Variants in KCNH5 observed in about 807,000 individuals in gnomAD.
KCNH5 encodes the protein potassium voltage-gated channel subfamily H member 5.
In KCNH5, 46 loss-of-function variants were observed where a neutral mutation model predicts 96.1. The ratio of observed to expected loss-of-function variants is 0.48; its 90% confidence interval spans 0.38 to 0.61. The LOEUF (loss-of-function observed/expected upper bound fraction) is 0.61. Among genes scored for constraint, KCNH5 ranks in the 20% least tolerant of loss-of-function variants. The probability of loss-of-function intolerance (pLI) is 0.00; values close to 1 mark genes in which losing one functional copy is unlikely to be tolerated. For missense variants in KCNH5, 907 were observed against 1,225.8 expected, an observed-to-expected ratio of 0.74 and a Z score of 3.88; for synonymous variants, 439 against 449.8, an observed-to-expected ratio of 0.98 and a Z score of 0.30.
intron 6 of KCNH5, among the ~76,000 whole-genome samples, chr14:62,970,044 T>TAAAAAAAAAAAA (rs373852520): frequency 1.3e-4 from 4 of 30,412 alleles, no homozygotes; most frequent in African/African-American, 2.4e-4. Flanking sequence ...AGACTCCGTC[T>TAAAAAAAAAAAA]AAAAAAAAAA....
intron 1 of KCNH5, among the ~76,000 whole-genome samples, chr14:63,023,279 T>C (rs1481966739): frequency 6.6e-6 from 1 of 151,984 alleles, no homozygotes; most frequent in Non-Finnish European, 1.5e-5. Context: ...CCCATGTAAG[T>C]TTTTGCTCAC....
intron 2 of KCNH5, among the ~76,000 whole-genome samples, chr14:63,015,157 A>C (rs1210179062): frequency 6.6e-6 from 1 of 152,100 alleles, no homozygotes; most frequent in East Asian, 1.9e-4. Flanking sequence ...AGATTAAGGA[A>C]GAGAATGTTT....
At chr14:62,903,293 T>G (rs1888964957) in intron 7 of KCNH5, among the ~76,000 whole-genome samples, 1 of 152,054 alleles carries the variant, frequency 6.6e-6, no homozygotes, top group South Asian at 2.1e-4. Context: ...CTACCAAATC[T>G]CAGTTCATTC....
chr14:62,816,433 G>A (rs1343182505), intron 8 of KCNH5, among the ~76,000 whole-genome samples: 1 of 151,864 alleles, frequency 6.6e-6, no homozygotes, highest in Non-Finnish European at 1.5e-5. Flanking sequence ...CTCCCACTAT[G>A]CTGACACTTA....
chr14:62,847,752 C>T (rs1887728311), intron 8 of KCNH5, among the ~76,000 whole-genome samples: 1 of 152,122 alleles, frequency 6.6e-6, no homozygotes, highest in Non-Finnish European at 1.5e-5. Context: ...ACTCCATTTT[C>T]CTTGGCTACT....
intron 10 of KCNH5, among the ~76,000 whole-genome samples, chr14:62,752,695 G>A (rs1159133066): frequency 1.3e-5 from 2 of 152,130 alleles, no homozygotes; most frequent in Non-Finnish European, 2.9e-5. Flanking sequence ...GACCTGGTGG[G>A]AGGTGATTGG....
chr14:63,006,482 A>T lies in KCNH5; in HGVS notation c.198-10T>A. The T allele has an allele frequency of 7.5e-7, 1 of 1,326,648 alleles. No homozygotes were observed. Among genetic ancestry groups the T allele is most frequent in the South Asian group, 1.2e-5 (1 of 82,308 alleles). 82.2% of individuals were successfully genotyped at this position (1,326,648 alleles called of 1,614,324 possible). A position where few individuals can be genotyped will look rare whatever the true frequency, so the allele number is the denominator to read the frequency against. On this transcript the variant is annotated splice_polypyrimidine_tract_variant and intron_variant, in intron 2 of 10. Coordinates refer to ENST00000322893, the MANE Select transcript of KCNH5 (RefSeq NM_139318.5). ...TTCCCCATACATAAAACTGGGGGGGAAAAAAAACAAACAATCGATTTCACT... is the reference window on the plus strand; with the variant it reads ...TTCCCCATACATAAAACTGGGGGGGTAAAAAAACAAACAATCGATTTCACT...
At chr14:62,710,774 G>T (rs1884550264) in intron 10 of KCNH5, among the ~76,000 whole-genome samples, 1 of 152,192 alleles carries the variant, frequency 6.6e-6, no homozygotes, top group Non-Finnish European at 1.5e-5. Context: ...ACACAGGAAG[G>T]TCAGGTAAAA....
rs554268058 is a variant in KCNH5 at position 62,852,626 on chromosome 14, G to A, written c.1370-2774C>T. On this transcript the variant is annotated intron_variant, in intron 7 of 10. Coordinates refer to ENST00000322893, the MANE Select transcript of KCNH5 (RefSeq NM_139318.5). ...TTTTTGGCCAGTTTTTCTTTTTTTC[G>A]TATGCACTTGTTTCTTCGGTGTATA... Among the ~76,000 whole-genome samples, 12 of 149,438 alleles carry A rather than the reference G, an allele frequency of 8.0e-5. No homozygotes were observed. In the East Asian group the frequency reaches 1.8e-3, roughly 22 times the overall value.
chr14:63,019,740 TAGAA>T (rs1891391126), intron 1 of KCNH5, among the ~76,000 whole-genome samples: 1 of 152,010 alleles, frequency 6.6e-6, no homozygotes, highest in African/African-American at 2.4e-5. Context: ...GAAGAAAACA[TAGAA>T]GGAAATCTTT....
intron 7 of KCNH5, among the ~76,000 whole-genome samples, chr14:62,943,790 A>G (rs746791530): frequency 6.6e-6 from 1 of 152,176 alleles, no homozygotes; most frequent in Non-Finnish European, 1.5e-5. Flanking sequence ...CAAGGCAGAC[A>G]GAGTATGAAA....
intron 7 of KCNH5, among the ~76,000 whole-genome samples, chr14:62,924,847 C>T (rs1255269773): frequency 6.6e-6 from 1 of 151,838 alleles, no homozygotes; most frequent in Non-Finnish European, 1.5e-5. Context: ...AGGGTATGAA[C>T]TTTCAGTGAT....
intron 7 of KCNH5, among the ~76,000 whole-genome samples, chr14:62,928,341 T>C (rs964239140): frequency 3.9e-5 from 6 of 152,192 alleles, no homozygotes; most frequent in African/African-American, 1.4e-4. Flanking sequence ...GGATGCTCAT[T>C]CAGTTAGGTA....
chr14:62,875,577 C>T (rs1228771869), intron 7 of KCNH5, among the ~76,000 whole-genome samples: 4 of 152,040 alleles, frequency 2.6e-5, no homozygotes, highest in South Asian at 2.1e-4. Flanking sequence ...AACAGGAATG[C>T]TTTTACACTC....
intron 8 of KCNH5, among the ~76,000 whole-genome samples, chr14:62,803,144 T>TG (rs1886699321): frequency 2.0e-5 from 3 of 152,100 alleles, no homozygotes; most frequent in Admixed American, 2.0e-4. Flanking sequence ...GAGCAAGACC[T>TG]TATCTCAAAA....
rs549950398 is a variant in KCNH5 at position 62,959,475 on chromosome 14, G to T, written c.943-8916C>A. Among the ~76,000 whole-genome samples the T allele has an allele frequency of 2.6e-5, 4 of 152,094 alleles. No homozygotes were observed. The East Asian group carries it at 5.8e-4, about 22-fold the overall frequency. On this transcript the variant is annotated intron_variant, in intron 6 of 10. Coordinates refer to ENST00000322893, the MANE Select transcript of KCNH5 (RefSeq NM_139318.5). Reference sequence around the variant, plus strand: ...CACCCTCTCTCCAGCTGGTTTCTTAGAATTAGGACCAAAGAAGGTCCACAC... The same window carrying T: ...CACCCTCTCTCCAGCTGGTTTCTTATAATTAGGACCAAAGAAGGTCCACAC...
At chr14:62,741,383 C>T (rs1885267979) in intron 10 of KCNH5, among the ~76,000 whole-genome samples, 1 of 152,156 alleles carries the variant, frequency 6.6e-6, no homozygotes, top group South Asian at 2.1e-4. Flanking sequence ...GTGATACAGA[C>T]TGCCTGTGGT....
chr14:62,742,826 A>G (rs1027428732), intron 10 of KCNH5, among the ~76,000 whole-genome samples: 2 of 152,168 alleles, frequency 1.3e-5, no homozygotes, highest in Admixed American at 1.3e-4. Flanking sequence ...CCTACATCAG[A>G]ATCCCTTGGA....
intron 6 of KCNH5, among the ~76,000 whole-genome samples, chr14:62,970,272 T>C (rs1351540509): frequency 6.6e-6 from 1 of 151,980 alleles, no homozygotes; most frequent in Non-Finnish European, 1.5e-5. Flanking sequence ...AAGACACATC[T>C]GCTAAGACCC....
Sources: gnomAD v4.1 joint callset for allele counts (sites outside exome capture counted in the v4.1 genomes callset) on GRCh38, gnomAD v4.1.1 for gene constraint, MANE v1.5 for transcripts, NCBI Gene and HGNC (gene_info 2026-07-23, HGNC 2026-07-21) for gene names.